The following OCLN variants were observed in gnomAD, a reference collection of about 807,000 sequenced individuals.
OCLN encodes the protein phosphatase 1, regulatory subunit 115.
In OCLN, 21 loss-of-function variants were observed where a neutral mutation model predicts 47.9. That is an observed-to-expected ratio of 0.44 (90% CI 0.31 to 0.63). The LOEUF (loss-of-function observed/expected upper bound fraction) is 0.63, where lower values mean the gene tolerates loss of function less well. Among genes scored for constraint, OCLN ranks in the 30% least tolerant of loss-of-function variants. The pLI, the probability that OCLN is intolerant of heterozygous loss-of-function variation, is 0.08. For synonymous variants in OCLN, 117 were observed against 198.4 expected (o/e 0.59, Z 3.45); for missense variants, 360 against 571.0 (o/e 0.63, Z 3.77).
intron 4 of OCLN, among the ~76,000 whole-genome samples, chr5:69,527,860 G>T (rs760544622): frequency 6.6e-6 from 1 of 151,846 alleles, no homozygotes; most frequent in Non-Finnish European, 1.5e-5. Flanking sequence ...TTTCTCTGGG[G>T]CACTCTTGGC....
intron 4 of OCLN, among the ~76,000 whole-genome samples, chr5:69,517,061 G>A (rs554289391): frequency 4.6e-5 from 7 of 151,990 alleles, no homozygotes; most frequent in Non-Finnish European, 7.4e-5. Flanking sequence ...ACCCTGTCTC[G>A]GAAAAAAATA....
At chr5:69,525,421 A>G (rs930417246) in intron 4 of OCLN, among the ~76,000 whole-genome samples, 3 of 152,076 alleles carry the variant, frequency 2.0e-5, no homozygotes, top group Admixed American at 2.0e-4. Flanking sequence ...GTACATTTCT[A>G]TAAGACAATG....
rs1769977276 is a variant in OCLN at position 69,557,299 on chromosome 5, T to C, written c.*3628T>C. 1 of 85,682 alleles carries C rather than the reference T, an allele frequency of 1.2e-5. No individual in the cohort carries two copies. The highest frequency in any genetic ancestry group is 1.2e-4 in the Admixed American group (1 of 8,446). The allele number at this position is 85,682 out of a possible 1,614,324, so 5.3% of individuals were successfully genotyped here. A position where few individuals can be genotyped will look rare whatever the true frequency, so the allele number is the denominator to read the frequency against. On this transcript the variant is annotated 3_prime_UTR_variant, in exon 9 of 9. Transcript: ENST00000396442. ...ACTTGCTGTGGGACCTTGGAGAAAT[T>C]AACTTAGCCTCTCTGTACTTCAGTT...
intron 4 of OCLN, among the ~76,000 whole-genome samples, chr5:69,518,375 A>G (rs892975684): frequency 6.6e-6 from 1 of 152,196 alleles, no homozygotes; most frequent in African/African-American, 2.4e-5. Flanking sequence ...ACCAGAGGCA[A>G]ATTCCTCATT....
chr5:69,515,539 C>A (rs1768922542), intron 4 of OCLN, among the ~76,000 whole-genome samples: 1 of 2,710 alleles, frequency 3.7e-4, no homozygotes. Context: ...GGGGGGCTGA[C>A]CCCCCCCCAC....
At position 69,512,036 on chromosome 5, in the gene OCLN, A is replaced by AG. The variant is rs1554053704; in HGVS notation, c.730-1912_730-1911insG. On this transcript the variant is annotated intron_variant, in intron 3 of 8. Coordinates refer to ENST00000396442, the MANE Select transcript of OCLN (RefSeq NM_001205254.2). ...AAAACTCTGTCTCAAAAAAAAAAAAAAAAAAAAAATTTTTAGTTTTGATGA... is the reference window on the plus strand; with the variant it reads ...AAAACTCTGTCTCAAAAAAAAAAAAAGAAAAAAAAATTTTTAGTTTTGATGA... Among the ~76,000 whole-genome samples, 268 of 147,552 alleles carry AG rather than the reference A, an allele frequency of 1.8e-3. 1 individual carries two copies. Among genetic ancestry groups the AG allele is most frequent in the Middle Eastern group, 3.6e-3 (1 of 280 alleles).
chr5:69,531,074 C>T (rs1002817661), intron 4 of OCLN, among the ~76,000 whole-genome samples: 7 of 152,234 alleles, frequency 4.6e-5, no homozygotes, highest in African/African-American at 7.2e-5. Context: ...GGAAAAGGAA[C>T]GATATTTGCC....
rs1031802314 is a variant in OCLN at position 69,493,362 on chromosome 5, CTTAGATCCCGGGGGGA to C, written c.-69+463_-69+478del. Among the ~76,000 whole-genome samples the C allele has an allele frequency of 6.6e-6, 1 of 152,006 alleles. No individual in the cohort carries two copies. The highest frequency in any genetic ancestry group is 2.4e-5 in the African/African-American group (1 of 41,366). ...GGCGGCTGTTCGGCGGCCCGGGCGG[CTTAGATCCCGGGGGGA>C]ATTTCATTCCTTCCGCTCCCACCCC... On this transcript the variant is annotated intron_variant, in intron 1 of 8. Transcript: ENST00000396442. The surrounding 1 kb of genome is among the most constrained non-coding windows in gnomAD (Gnocchi z 5.3).
intron 2 of OCLN, among the ~76,000 whole-genome samples, chr5:69,508,055 T>A (rs545189149): frequency 6.6e-6 from 1 of 152,000 alleles, no homozygotes; most frequent in Non-Finnish European, 1.5e-5. Flanking sequence ...TGTGCATTTT[T>A]AAATTTTTTT....
Position 69,509,832 on chromosome 5 carries a change from T to C in OCLN, c.729+13T>C, listed in dbSNP as rs369078411. On this transcript the variant is annotated intron_variant, in intron 3 of 8. Coordinates refer to ENST00000396442, the MANE Select transcript of OCLN (RefSeq NM_001205254.2). The stretch of plus-strand genomic sequence containing the variant: ...GGATCCCCAGGAGGTATGAGTGGTG[T>C]TTTGGGTTTTTTCTCCATCTCCTTA... The C allele has an allele frequency of 2.0e-5, 32 of 1,608,238 alleles. No individual in the cohort carries two copies. In the African/African-American group the frequency reaches 3.2e-4, roughly 16 times the overall value.
intron 1 of OCLN, among the ~76,000 whole-genome samples, chr5:69,497,483 G>A (rs1456301769): frequency 6.6e-6 from 1 of 151,448 alleles, no homozygotes; most frequent in East Asian, 1.9e-4. Context: ...TGCCTCCTGG[G>A]TTCAAGCAAT....
intron 4 of OCLN, among the ~76,000 whole-genome samples, chr5:69,517,314 ATTTT>A (rs58026583): frequency 0.11 from 14,726 of 131,912 alleles, 831 homozygotes; most frequent in Middle Eastern, 0.14. Context: ...ATATATATAT[ATTTT>A]TTTTTTTTTT....
rs1452346930 is a variant in OCLN at position 69,509,424 on chromosome 5, GGTA to G, written c.336_338del (p.Ser113del). The G allele has an allele frequency of 6.8e-6, 11 of 1,614,216 alleles. No individual in the cohort carries two copies. Among genetic ancestry groups the G allele is most frequent in the Admixed American group, 1.7e-5 (1 of 60,020 alleles). On this transcript the variant is annotated inframe_deletion, in exon 3 of 9. Transcript: ENST00000396442. The stretch of plus-strand genomic sequence containing the variant: ...CTACCCTTATGGAGGAAGTGGCTTT[GGTA>G]GCTACGGAAGTGGCTATGGCTATGG...
At chr5:69,496,402 C>T (rs535284493) in intron 1 of OCLN, among the ~76,000 whole-genome samples, 3 of 152,140 alleles carry the variant, frequency 2.0e-5, no homozygotes, top group Admixed American at 6.5e-5. Flanking sequence ...CCGGCCACAA[C>T]TTAAACTTTT....
intron 4 of OCLN, among the ~76,000 whole-genome samples, chr5:69,527,753 A>C (rs1017789545): frequency 6.6e-6 from 1 of 152,128 alleles, no homozygotes; most frequent in African/African-American, 2.4e-5. Context: ...CTATGTTAAC[A>C]TGAATGCTGG....
chr5:69,529,347 G>A (rs1769368054), intron 4 of OCLN, among the ~76,000 whole-genome samples: 1 of 152,212 alleles, frequency 6.6e-6, no homozygotes, highest in Admixed American at 6.5e-5. Context: ...TTTTTCACAA[G>A]TGACATAATC....
chr5:69,522,977 C>T (rs1443725357), intron 4 of OCLN, among the ~76,000 whole-genome samples: 1 of 149,120 alleles, frequency 6.7e-6, no homozygotes, highest in African/African-American at 2.5e-5. Flanking sequence ...GTTCTCCTGC[C>T]TTGGCCTCCC....
At position 69,555,082 on chromosome 5, in the gene OCLN, C is replaced by T. The variant is rs1395607624; in HGVS notation, c.*1411C>T. 1 of 141,412 alleles carries T rather than the reference C, an allele frequency of 7.1e-6. No homozygotes were observed. Among genetic ancestry groups the T allele is most frequent in the Non-Finnish European group, 1.6e-5 (1 of 64,082 alleles). The allele number at this position is 141,412 out of a possible 1,614,324, so 8.8% of individuals were successfully genotyped here. On this transcript the variant is annotated 3_prime_UTR_variant, in exon 9 of 9. Transcript: ENST00000396442. ...TCTCGAGTAGTTGAGACTACAGGTG[C>T]CCATCACCATGCGTGGCTAATTTTT...
intron 4 of OCLN, among the ~76,000 whole-genome samples, chr5:69,517,335 G>T (rs1769003107): frequency 1.4e-5 from 2 of 146,610 alleles, no homozygotes; most frequent in Non-Finnish European, 3.0e-5. Context: ...TTTTGAGACG[G>T]CTTCTGGCTC....
Sources: allele counts gnomAD v4.1 joint callset (sites outside exome capture counted in the v4.1 genomes callset), GRCh38; gene constraint gnomAD v4.1.1; non-coding constraint Gnocchi (gnomAD v3.1); transcripts MANE v1.5; gene names NCBI Gene and HGNC (gene_info 2026-07-23, HGNC 2026-07-21).